KIF16B: variants seen among roughly 807,000 people sequenced by gnomAD.
KIF16B encodes the protein kinesin family member 16B.
In KIF16B, 98 loss-of-function variants were observed where a neutral mutation model predicts 156.3. The observed-to-expected ratio is 0.63, with a 90% CI of 0.53 to 0.74. The LOEUF (loss-of-function observed/expected upper bound fraction) is 0.74, where lower values mean the gene tolerates loss of function less well. Among genes scored for constraint, KIF16B ranks in the 30% least tolerant of loss-of-function variants. The pLI is 0.00. For missense variants in KIF16B, 1,421 were observed against 1,606.5 expected (o/e 0.88, Z 1.97); for synonymous variants, 564 against 583.7 (o/e 0.97, Z 0.49).
chr20:16,371,528 T>G (rs1436848481), intron 21 of KIF16B, 137 bp downstream of exon 21: 4 of 568,088 alleles, frequency 7.0e-6, no homozygotes, highest in Non-Finnish European at 1.2e-5. Context: ...AGGTGGAGGT[T>G]GCAGTGAGCC....
chr20:16,565,323 C>T (rs188174225), intron 1 of KIF16B, among the ~76,000 whole-genome samples: 603 of 152,260 alleles, frequency 4.0e-3, no homozygotes, highest in Admixed American at 5.3e-3. Context: ...GTGACATCAT[C>T]ACACACCATG....
chr20:16,443,451 A>G (rs6135757), intron 12 of KIF16B, among the ~76,000 whole-genome samples: 15,434 of 152,198 alleles, frequency 0.1, 917 homozygotes, highest in East Asian at 0.28. Context: ...CTGCCACTCA[A>G]GTCCTGTCTC....
chr20:16,312,421 G>A lies in KIF16B; in HGVS notation c.3712-3C>T. On this transcript the variant is annotated splice_region_variant and splice_polypyrimidine_tract_variant and intron_variant, in intron 24 of 25. Transcript: ENST00000354981. ...GGAGGAAATTCAAGGGCAGCAAGCT[G>A]AAATAGACATTTTAAAAGACATGCA... The A allele has an allele frequency of 6.2e-7, 1 of 1,604,900 alleles. No homozygotes were observed. Among genetic ancestry groups the A allele is most frequent in the Non-Finnish European group, 8.5e-7 (1 of 1,172,178 alleles).
At chr20:16,420,918 T>C (rs558149414) in intron 15 of KIF16B, among the ~76,000 whole-genome samples, 5 of 152,132 alleles carry the variant, frequency 3.3e-5, no homozygotes, top group Non-Finnish European at 7.4e-5. Flanking sequence ...CTTAGAGAGC[T>C]AACGAGATGA....
chr20:16,503,330 A>C (rs1191686920), intron 10 of KIF16B, among the ~76,000 whole-genome samples: 1 of 152,234 alleles, frequency 6.6e-6, no homozygotes, highest in Non-Finnish European at 1.5e-5. Context: ...GACAACTTCC[A>C]CCATAGAGCA....
At chr20:16,510,344 A>G (rs1189112254) in intron 6 of KIF16B, among the ~76,000 whole-genome samples, 1 of 152,212 alleles carries the variant, frequency 6.6e-6, no homozygotes, top group Admixed American at 6.5e-5. Context: ...CAAAAGCTTA[A>G]GTGGAAATTT....
rs781244165 is a variant in KIF16B at position 16,573,267 on chromosome 20, C to A, written c.9G>T (p.Ser3=). The change falls in exon 1 of 26, where the codon TCG becomes TCT. Residue 3 remains serine (S), a synonymous_variant. Coordinates refer to ENST00000354981, the MANE Select transcript of KIF16B (RefSeq NM_024704.5). MA[S]VKVAVRVRPM... ...GCCGGACCCTCACGGCCACCTTGAC[C>A]GATGCCATCGCTCATCCCGAACCAG... 4 of 1,609,424 alleles carry A rather than the reference C, an allele frequency of 2.5e-6. No homozygotes were observed. The highest frequency in any genetic ancestry group is 3.4e-6 in the Non-Finnish European group (4 of 1,178,802).
chr20:16,397,530 A>G (rs879284446), intron 17 of KIF16B, among the ~76,000 whole-genome samples: 8 of 152,244 alleles, frequency 5.3e-5, no homozygotes, highest in Admixed American at 5.2e-4. Context: ...GGCTGTTTAG[A>G]AAATTAGTAG....
chr20:16,378,684 A>C (rs1473679352), intron 19 of KIF16B, 121 bp downstream of exon 19: 2 of 1,049,088 alleles, frequency 1.9e-6, no homozygotes, highest in Non-Finnish European at 2.7e-6. Context: ...CTATGTATTA[A>C]AGAATATGAA....
At chr20:16,534,910 A>C (rs2069899011) in intron 1 of KIF16B, among the ~76,000 whole-genome samples, 1 of 151,834 alleles carries the variant, frequency 6.6e-6, no homozygotes, top group Non-Finnish European at 1.5e-5. Context: ...CAGACTTTTA[A>C]TGTATTTTGA....
rs745923425 is a variant in KIF16B at position 16,550,528 on chromosome 20, CTTTTT to C, written c.48-22093_48-22089del. On this transcript the variant is annotated intron_variant, in intron 1 of 25. Coordinates refer to ENST00000354981, the MANE Select transcript of KIF16B (RefSeq NM_024704.5). Reference sequence around the variant, plus strand: ...AGCTTGTTAAAACACATGAAACATTCTTTTTTTTTTTTTTTTTTTTTTTGACACAG... The same window carrying C: ...AGCTTGTTAAAACACATGAAACATTCTTTTTTTTTTTTTTTTTTGACACAG... Among the ~76,000 whole-genome samples, 497 of 103,476 alleles carry C rather than the reference CTTTTT, an allele frequency of 4.8e-3. 7 individuals carry two copies. The highest frequency in any genetic ancestry group is 0.018 in the African/African-American group (470 of 25,408). The allele number at this position is 103,476 out of a possible 152,430, so 67.9% of individuals were successfully genotyped here.
intron 15 of KIF16B, among the ~76,000 whole-genome samples, chr20:16,424,898 T>C (rs566335948): frequency 1.3e-4 from 20 of 152,180 alleles, no homozygotes; most frequent in Admixed American, 1.2e-3. Context: ...AACCCTATGG[T>C]ATTGGGTTGG....
intron 12 of KIF16B, among the ~76,000 whole-genome samples, chr20:16,432,925 T>C (rs2066540802): frequency 6.6e-6 from 1 of 152,146 alleles, no homozygotes. Context: ...CAACCTCCCA[T>C]TCCATGGCTC....
At position 16,461,478 on chromosome 20, in the gene KIF16B, A is replaced by G. The variant is rs184334186; in HGVS notation, c.1303-31496T>C. Among the ~76,000 whole-genome samples the G allele has an allele frequency of 2.8e-4, 43 of 152,306 alleles. No individual in the cohort carries two copies. The East Asian group carries it at 7.3e-3, about 26-fold the overall frequency. ...TATACATGAAAAAAATTAAGTACAC[A>G]TAACAAACAACGCTGATCATAATGG... On this transcript the variant is annotated intron_variant, in intron 12 of 25. Coordinates refer to ENST00000354981, the MANE Select transcript of KIF16B (RefSeq NM_024704.5).
chr20:16,558,332 C>T (rs2070929338), intron 1 of KIF16B, among the ~76,000 whole-genome samples: 1 of 152,220 alleles, frequency 6.6e-6, no homozygotes, highest in African/African-American at 2.4e-5. Context: ...TCCCAGCCTT[C>T]CCTGCATCCG....
intron 23 of KIF16B, among the ~76,000 whole-genome samples, chr20:16,353,797 T>C (rs1337603263): frequency 6.6e-6 from 1 of 152,172 alleles, no homozygotes; most frequent in South Asian, 2.1e-4. Flanking sequence ...TACTACCCCA[T>C]GACAAGGTAT....
chr20:16,398,719 G>A (rs957727623), intron 17 of KIF16B, among the ~76,000 whole-genome samples: 1 of 152,164 alleles, frequency 6.6e-6, no homozygotes, highest in Admixed American at 6.5e-5. Context: ...AGAGTGCTAG[G>A]AGGACAAAGT....
intron 17 of KIF16B, among the ~76,000 whole-genome samples, chr20:16,386,852 A>G (rs1465925397): frequency 6.6e-6 from 1 of 152,184 alleles, no homozygotes; most frequent in Admixed American, 6.5e-5. Context: ...CACAGGCTCA[A>G]AAATAATCCT....
chr20:16,573,370 T>A lies in KIF16B; in HGVS notation c.-95A>T. ...TACTCAGATCGCGGCTCCCGCCCAC[T>A]TCCCTCTCGCCCCCGCCCCTCTGCT... On this transcript the variant is annotated 5_prime_UTR_variant, in exon 1 of 26. It adds an upstream start codon to the 5' untranslated region. Transcript: ENST00000354981. 1 of 1,337,890 alleles carries A rather than the reference T, an allele frequency of 7.5e-7. No homozygotes were observed. Among genetic ancestry groups the A allele is most frequent in the Non-Finnish European group, 1.0e-6 (1 of 959,914 alleles). 82.9% of individuals were successfully genotyped at this position (1,337,890 alleles called of 1,614,324 possible).
Sources: gnomAD v4.1 joint callset for allele counts (sites outside exome capture counted in the v4.1 genomes callset) on GRCh38, gnomAD v4.1.1 for gene constraint, MANE v1.5 for transcripts, NCBI Gene and HGNC (gene_info 2026-07-23, HGNC 2026-07-21) for gene names.